USP8: variants seen among roughly 807,000 people sequenced by gnomAD.
USP8 encodes the protein ubiquitin specific peptidase 8.
Under a neutral mutation model 130.0 loss-of-function variants are expected in USP8, and 27 were observed. The ratio of observed to expected loss-of-function variants is 0.21; its 90% CI spans 0.15 to 0.29. The LOEUF is 0.29. Ranked by LOEUF, USP8 falls within the 10% of genes least tolerant of loss-of-function variation. The pLI, the probability that USP8 is intolerant of heterozygous loss-of-function variation, is 1.00. For missense variants in USP8, 1,029 were observed against 1,312.2 expected, an observed-to-expected ratio of 0.78 and a Z score of 3.33; for synonymous variants, 392 against 444.1, an observed-to-expected ratio of 0.88 and a Z score of 1.48.
intron 8 of USP8, among the ~76,000 whole-genome samples, chr15:50,473,966 G>T (rs2051475072): frequency 6.6e-6 from 1 of 151,688 alleles, no homozygotes; most frequent in South Asian, 2.1e-4. Context: ...TTTCCAAGTA[G>T]CTGGGATTAC....
At chr15:50,490,655 T>A in intron 14 of USP8, 130 bp downstream of exon 14, 1 of 1,199,070 alleles carries the variant, frequency 8.3e-7, no homozygotes, top group East Asian at 2.5e-5. Flanking sequence ...CGTTATTATT[T>A]ACCACAGAGA....
chr15:50,471,070 C>T (rs941522193), intron 7 of USP8, among the ~76,000 whole-genome samples: 1 of 152,176 alleles, frequency 6.6e-6, no homozygotes, highest in South Asian at 2.1e-4. Flanking sequence ...GTCACTTAAT[C>T]TGTTCGTGCC....
chr15:50,468,122 C>T (rs1008025982), intron 7 of USP8, among the ~76,000 whole-genome samples: 1 of 151,496 alleles, frequency 6.6e-6, no homozygotes, highest in African/African-American at 2.4e-5. Context: ...TTTTACTAGA[C>T]ACTGGGTTTC....
At chr15:50,451,310 C>G (rs2050623245) in intron 4 of USP8, among the ~76,000 whole-genome samples, 1 of 152,096 alleles carries the variant, frequency 6.6e-6, no homozygotes, top group South Asian at 2.1e-4. Flanking sequence ...ACTCAGGAGG[C>G]TGAGGCAGGA....
At position 50,500,960 on chromosome 15, in the gene USP8, A is replaced by C. The variant is rs2052574446; in HGVS notation, c.*1872A>C. 1.2e-6 allele frequency: 1 copy of C among 839,254 alleles called. No homozygotes were observed. The highest frequency in any genetic ancestry group is 2.2e-5 in the Admixed American group (1 of 44,856). 52.0% of individuals were successfully genotyped at this position (839,254 alleles called of 1,614,324 possible). ...TTATTCTAAATTAAAAGGAAGTGAT[A>C]ATTTTGTTGTTAAATCATGCATATA... On this transcript the variant is annotated 3_prime_UTR_variant, in exon 20 of 20. Transcript: ENST00000307179.
chr15:50,458,982 A>T lies in USP8; in HGVS notation c.336-18A>T. ...TTAACGCCAATAAAAGACAATCTTG[A>T]CTTATTTTTTCAACTAGATATGAAG... On this transcript the variant is annotated intron_variant, in intron 4 of 19. Coordinates refer to ENST00000307179, the MANE Select transcript of USP8 (RefSeq NM_005154.5). 1 of 1,611,498 alleles carries T rather than the reference A, an allele frequency of 6.2e-7. No individual in the cohort carries two copies. The highest frequency in any genetic ancestry group is 1.3e-5 in the African/African-American group (1 of 74,880).
intron 7 of USP8, 101 bp from the exon 8 acceptor site, chr15:50,471,532 A>G (rs769043028): frequency 1.0e-5 from 13 of 1,282,290 alleles, no homozygotes; most frequent in African/African-American, 9.1e-5. Flanking sequence ...AAAATTTGCT[A>G]TGGTGTGGTA....
chr15:50,456,771 A>T (rs1342290339), intron 4 of USP8, among the ~76,000 whole-genome samples: 2 of 152,156 alleles, frequency 1.3e-5, no homozygotes, highest in African/African-American at 4.8e-5. Flanking sequence ...CTGTAATCCC[A>T]GCTACTCGGG....
At chr15:50,440,496 G>C (rs2050220444) in intron 2 of USP8, among the ~76,000 whole-genome samples, 1 of 152,180 alleles carries the variant, frequency 6.6e-6, no homozygotes, top group South Asian at 2.1e-4. Flanking sequence ...CAGGGTTAGG[G>C]AGGATAGTTT....
chr15:50,495,851 G>T lies in USP8; in HGVS notation c.2662G>T (p.Asp888Tyr). ...GCTTAAATCATTTTATTTCCAGGCT[G>T]ATAATCGGAAGAGATATAAAGAAGA... ...DGLHEDLNKADNRKRYKEENN... is the reference protein window; with the variant it reads ...DGLHEDLNKAYNRKRYKEENN... The change falls in exon 17 of 20, where the codon GAT (aspartate) becomes TAT (tyrosine). Residue 888 changes from aspartate to tyrosine, a missense_variant. Asp to Tyr is a radical substitution (Grantham distance 160). Transcript: ENST00000307179. 1 of 1,608,486 alleles carries T rather than the reference G, an allele frequency of 6.2e-7. No homozygotes were observed. The highest frequency in any genetic ancestry group is 1.1e-5 in the South Asian group (1 of 90,418).
chr15:50,496,196 C>G, intron 17 of USP8, 112 bp downstream of exon 17: 1 of 901,430 alleles, frequency 1.1e-6, no homozygotes, highest in Non-Finnish European at 1.7e-6. Flanking sequence ...ATCAGTAAAA[C>G]TCGGCCGGGC....
At chr15:50,429,149 G>T (rs1286800455) in intron 1 of USP8, among the ~76,000 whole-genome samples, 1 of 152,122 alleles carries the variant, frequency 6.6e-6, no homozygotes, top group Non-Finnish European at 1.5e-5. Context: ...CATGGAAAGC[G>T]AAACCATGGA....
intron 1 of USP8, among the ~76,000 whole-genome samples, chr15:50,427,213 G>A (rs933687122): frequency 3.9e-5 from 6 of 152,136 alleles, no homozygotes; most frequent in Non-Finnish European, 7.3e-5. Flanking sequence ...TGGAATTACA[G>A]GCGTGAGCCA....
intron 10 of USP8, among the ~76,000 whole-genome samples, chr15:50,479,044 T>G (rs1236654667): frequency 6.6e-6 from 1 of 151,954 alleles, no homozygotes; most frequent in Non-Finnish European, 1.5e-5. Flanking sequence ...AGAGTGAGAC[T>G]CTGTCTCAAA....
chr15:50,486,417 G>C (rs774466122), intron 12 of USP8, among the ~76,000 whole-genome samples: 3 of 151,944 alleles, frequency 2.0e-5, no homozygotes, highest in Non-Finnish European at 4.4e-5. Flanking sequence ...ATCCTGGGAA[G>C]GTCAAGGATA....
chr15:50,480,311 A>G (rs140482477), intron 10 of USP8, among the ~76,000 whole-genome samples: 1 of 152,330 alleles, frequency 6.6e-6, no homozygotes, highest in East Asian at 1.9e-4. Context: ...ATTTTACCTC[A>G]TGTAAAAGTT....
chr15:50,459,095 A>G lies in USP8; in HGVS notation c.431A>G (p.Glu144Gly), dbSNP rs2050891135. The G allele has an allele frequency of 6.2e-7, 1 of 1,614,148 alleles. No individual in the cohort carries two copies. Among genetic ancestry groups the G allele is most frequent in the Non-Finnish European group, 8.5e-7 (1 of 1,180,028 alleles). The change falls in exon 5 of 20, where the codon GAG becomes GGG. Residue 144 changes from glutamate to glycine, a missense_variant. Around this residue, in one of 4 missense-constraint regions of USP8, gnomAD observed 281 missense variants for 336.7 expected, o/e 0.83. Coordinates refer to ENST00000307179, the MANE Select transcript of USP8 (RefSeq NM_005154.5). ...CAAAAAAGGCAGGAAACAGGAAGAG[A>G]GGATGGTGGCACATTGGCTAAAGGC... ...LQQKRQETGR[E>G]DGGTLAKGSL...
intron 3 of USP8, among the ~76,000 whole-genome samples, chr15:50,442,661 C>T (rs2050299331): frequency 6.6e-6 from 1 of 152,162 alleles, no homozygotes; most frequent in African/African-American, 2.4e-5. Flanking sequence ...AGGAGAACCA[C>T]TTGAATCTGG....
At chr15:50,464,546 G>T (rs2051117752) in intron 6 of USP8, among the ~76,000 whole-genome samples, 2 of 152,174 alleles carry the variant, frequency 1.3e-5, no homozygotes, top group Admixed American at 1.3e-4. Context: ...CATCGAACTG[G>T]TTTCTTGATA....
Sources: allele counts gnomAD v4.1 joint callset (sites outside exome capture counted in the v4.1 genomes callset), GRCh38; gene constraint gnomAD v4.1.1; regional missense constraint gnomAD v4.1.1; transcripts MANE v1.5; gene names NCBI Gene and HGNC (gene_info 2026-07-23, HGNC 2026-07-21).